Variants in SLC35D2 observed in about 807,000 individuals in gnomAD.
SLC35D2 encodes the protein solute carrier family 35 member D2.
SLC35D2 carries 43 observed loss-of-function variants against 41.8 expected under a neutral mutation model. That is an observed-to-expected ratio of 1.03 (90% CI 0.81 to 1.33). The LOEUF is 1.33. Among genes scored for constraint, SLC35D2 ranks in the 40% most tolerant of loss-of-function variants. SLC35D2 has a pLI of 0.00. For synonymous variants in SLC35D2, 150 were observed against 163.9 expected (o/e 0.92, Z 0.65); for missense variants, 380 against 408.4 (o/e 0.93, Z 0.60).
intron 6 of SLC35D2, chr9:96,350,898 T>C (rs1829783611): frequency 4.1e-6 from 2 of 489,606 alleles, no homozygotes; most frequent in Non-Finnish European, 7.3e-6. Context: ...GCTCTCTTCA[T>C]ATATTCTCAG....
At chr9:96,364,767 G>A (rs1023057431) in intron 2 of SLC35D2, among the ~76,000 whole-genome samples, 3 of 151,972 alleles carry the variant, frequency 2.0e-5, no homozygotes, top group Middle Eastern at 3.2e-3. Context: ...AAAACGTAAC[G>A]TCGGGCAGGG....
chr9:96,359,162 G>A (rs1587701595), intron 4 of SLC35D2, among the ~76,000 whole-genome samples: 2 of 151,928 alleles, frequency 1.3e-5, no homozygotes, highest in Non-Finnish European at 2.9e-5. Flanking sequence ...AAATTAGCCG[G>A]GCATAGTGGC....
chr9:96,359,438 C>G (rs1389581476), intron 4 of SLC35D2, among the ~76,000 whole-genome samples: 1 of 152,094 alleles, frequency 6.6e-6, no homozygotes, highest in Non-Finnish European at 1.5e-5. Context: ...ACCTGTAATC[C>G]CAGCACTTCG....
intron 9 of SLC35D2, among the ~76,000 whole-genome samples, chr9:96,327,763 A>C (rs1327663084): frequency 1.3e-5 from 2 of 151,936 alleles, no homozygotes; most frequent in Non-Finnish European, 2.9e-5. Flanking sequence ...CTGGGACTAC[A>C]GGTACACATC....
chr9:96,348,860 C>T lies in SLC35D2; in HGVS notation c.488+2243G>A, dbSNP rs111269752. Reference sequence around the variant, plus strand: ...TTTCTGATCACTGGTTCTGGAAACGCACCTGCATACCCACGGTAACTGAAG... The same window carrying T: ...TTTCTGATCACTGGTTCTGGAAACGTACCTGCATACCCACGGTAACTGAAG... On this transcript the variant is annotated intron_variant, in intron 6 of 11. Coordinates refer to ENST00000253270, the MANE Select transcript of SLC35D2 (RefSeq NM_007001.3). 2.2e-3 allele frequency among the ~76,000 whole-genome samples: 339 copies of T among 152,334 alleles called. 1 individual carries two copies. The highest frequency in any genetic ancestry group is 7.6e-3 in the African/African-American group (316 of 41,572).
chr9:96,331,386 T>C (rs771874510), intron 9 of SLC35D2, among the ~76,000 whole-genome samples: 1 of 152,142 alleles, frequency 6.6e-6, no homozygotes, highest in African/African-American at 2.4e-5. Flanking sequence ...GACCCCTCCT[T>C]TCACATGTAA....
intron 8 of SLC35D2, among the ~76,000 whole-genome samples, chr9:96,342,593 G>C (rs534463596): frequency 1.3e-5 from 2 of 152,320 alleles, no homozygotes; most frequent in African/African-American, 4.8e-5. Context: ...GGAATTAACA[G>C]GGAGGCTCAG....
intron 1 of SLC35D2, among the ~76,000 whole-genome samples, chr9:96,368,696 A>G (rs986168921): frequency 1.3e-5 from 2 of 149,404 alleles, no homozygotes; most frequent in African/African-American, 4.9e-5. Flanking sequence ...ACATATATAT[A>G]TGTGTATATT....
intron 8 of SLC35D2, among the ~76,000 whole-genome samples, chr9:96,342,141 C>T (rs1829357237): frequency 6.6e-6 from 1 of 151,650 alleles, no homozygotes; most frequent in Non-Finnish European, 1.5e-5. Context: ...GATGGAGTCT[C>T]GCTCTGTCAC....
chr9:96,351,863 T>C (rs773489330), intron 5 of SLC35D2, among the ~76,000 whole-genome samples, 175 bp downstream of exon 5: 2 of 152,142 alleles, frequency 1.3e-5, no homozygotes, highest in Admixed American at 6.6e-5. Flanking sequence ...TTACAACTTT[T>C]AAAAAATCCC....
At chr9:96,324,201 G>A in intron 9 of SLC35D2, 32 bp from the exon 10 acceptor site, 1 of 1,572,664 alleles carries the variant, frequency 6.4e-7, no homozygotes, top group Non-Finnish European at 8.7e-7. Context: ...TGGAGTGTGT[G>A]CCTCACTACG....
intron 11 of SLC35D2, 71 bp from the exon 12 acceptor site, chr9:96,321,412 G>T: frequency 3.8e-6 from 4 of 1,047,762 alleles, no homozygotes; most frequent in East Asian, 2.4e-5. Flanking sequence ...AGTTGCTGGC[G>T]TTTTTATCAA....
chr9:96,356,468 T>C (rs1830031014), intron 4 of SLC35D2, among the ~76,000 whole-genome samples: 1 of 148,376 alleles, frequency 6.7e-6, no homozygotes, highest in Non-Finnish European at 1.5e-5. Flanking sequence ...AAATCAAAAC[T>C]ATCTTGAAAA....
At chr9:96,357,883 A>G (rs1408143849) in intron 4 of SLC35D2, among the ~76,000 whole-genome samples, 2 of 151,738 alleles carry the variant, frequency 1.3e-5, no homozygotes, top group African/African-American at 2.4e-5. Flanking sequence ...TACAAAAAAC[A>G]TAAAAATAAG....
intron 6 of SLC35D2, among the ~76,000 whole-genome samples, chr9:96,349,525 T>G (rs1233804168): frequency 6.7e-6 from 1 of 150,124 alleles, no homozygotes; most frequent in Non-Finnish European, 1.5e-5. Context: ...TGCTCTTTTG[T>G]CAGTTCCTTT....
intron 8 of SLC35D2, among the ~76,000 whole-genome samples, chr9:96,342,698 T>C (rs1385869464): frequency 6.6e-6 from 1 of 152,162 alleles, no homozygotes; most frequent in Non-Finnish European, 1.5e-5. Flanking sequence ...AAATGGCTGT[T>C]TGTGCCCGGG....
chr9:96,364,413 T>A (rs374925864), intron 3 of SLC35D2, 51 bp downstream of exon 3: 12 of 1,091,500 alleles, frequency 1.1e-5, no homozygotes, highest in Non-Finnish European at 1.7e-5. Flanking sequence ...CTAAAATCAA[T>A]GTGTATTTTC....
At chr9:96,379,403 C>T (rs576735315) in intron 1 of SLC35D2, among the ~76,000 whole-genome samples, 1 of 152,092 alleles carries the variant, frequency 6.6e-6, no homozygotes, top group Admixed American at 6.5e-5. Context: ...AGTTCACAGC[C>T]TTCAAAGGCC....
chr9:96,316,775 G>A (rs1314550802), downstream of SLC35D2, among the ~76,000 whole-genome samples: 2 of 106,576 alleles, frequency 1.9e-5, no homozygotes, highest in Non-Finnish European at 3.9e-5. Flanking sequence ...TCTAAACTAG[G>A]TCCTATTATT....
Sources: gnomAD v4.1 joint callset for allele counts (sites outside exome capture counted in the v4.1 genomes callset) on GRCh38, gnomAD v4.1.1 for gene constraint, MANE v1.5 for transcripts, NCBI Gene and HGNC (gene_info 2026-07-23, HGNC 2026-07-21) for gene names.